NKAIN3: variants seen among roughly 807,000 people sequenced by gnomAD.
NKAIN3 encodes the protein sodium/potassium-transporting ATPase subunit beta-1-interacting protein 3.
A neutral mutation model predicts 30.2 loss-of-function variants in NKAIN3; 25 were observed. The observed-to-expected ratio is 0.83, with a 90% confidence interval of 0.60 to 1.16. The LOEUF (loss-of-function observed/expected upper bound fraction) is 1.16, where lower values mean the gene tolerates loss of function less well. NKAIN3 is among the 50% of genes most tolerant of loss of function. The pLI is 0.00. For missense variants in NKAIN3, 225 were observed against 254.1 expected (o/e 0.89, Z 0.78); for synonymous variants, 91 against 89.6 (o/e 1.02, Z -0.09).
intron 1 of NKAIN3, among the ~76,000 whole-genome samples, chr8:62,262,253 A>G (rs145456279): frequency 6.6e-6 from 1 of 152,204 alleles, no homozygotes; most frequent in African/African-American, 2.4e-5. Flanking sequence ...ATTGACATCT[A>G]TTTTTGGAAT....
chr8:62,319,310 G>C (rs9643537), intron 1 of NKAIN3, among the ~76,000 whole-genome samples: 83,151 of 151,906 alleles, frequency 0.55, 23,210 homozygotes, highest in Non-Finnish European at 0.61. Flanking sequence ...TTTTTGAAGG[G>C]TTTTTTGTGT....
chr8:62,747,130 G>T lies in NKAIN3; in HGVS notation c.471+1G>T. On this transcript the variant is annotated splice_donor_variant, in intron 4 of 6. Coordinates refer to ENST00000623646, the MANE Select transcript of NKAIN3 (RefSeq NM_001304533.3). LOFTEE classifies it high-confidence loss of function. ...CAGTGCTGTCCAAATACTACTCTCT[G>T]TAAGTGTCACTTTTGTGTCATTATC... 1 of 1,580,806 alleles carries T rather than the reference G, an allele frequency of 6.3e-7. No individual in the cohort carries two copies. Among genetic ancestry groups the T allele is most frequent in the South Asian group, 1.1e-5 (1 of 89,880 alleles).
At chr8:62,959,722 C>T (rs939042485) in intron 6 of NKAIN3, among the ~76,000 whole-genome samples, 1 of 152,094 alleles carries the variant, frequency 6.6e-6, no homozygotes, top group Non-Finnish European at 1.5e-5. Context: ...GACTGTGATC[C>T]GCTCCTATCA....
At chr8:62,779,182 G>A (rs1406502309) in intron 4 of NKAIN3, among the ~76,000 whole-genome samples, 1 of 152,048 alleles carries the variant, frequency 6.6e-6, no homozygotes, top group Non-Finnish European at 1.5e-5. Context: ...TTGGTGGGGA[G>A]GGGTGACACA....
intron 6 of NKAIN3, among the ~76,000 whole-genome samples, chr8:62,957,669 G>A (rs1034933453): frequency 3.3e-5 from 5 of 152,120 alleles, no homozygotes; most frequent in African/African-American, 9.7e-5. Context: ...TTTGGGAAAG[G>A]CAAAACTATG....
chr8:62,771,485 A>G (rs534212810), intron 4 of NKAIN3, among the ~76,000 whole-genome samples: 6 of 152,238 alleles, frequency 3.9e-5, no homozygotes, highest in African/African-American at 1.2e-4. Context: ...ATGAAAAAAT[A>G]ATAATAATTA....
At chr8:62,957,668 G>T (rs947057010) in intron 6 of NKAIN3, among the ~76,000 whole-genome samples, 3 of 152,158 alleles carry the variant, frequency 2.0e-5, no homozygotes, top group African/African-American at 7.2e-5. Flanking sequence ...TTTTGGGAAA[G>T]GCAAAACTAT....
intron 5 of NKAIN3, among the ~76,000 whole-genome samples, chr8:62,933,925 G>A (rs1193613750): frequency 6.6e-6 from 1 of 152,152 alleles, no homozygotes; most frequent in East Asian, 1.9e-4. Context: ...AAAACTTTGA[G>A]AGGGACTTCA....
chr8:62,325,780 T>A (rs1054008743), intron 1 of NKAIN3, among the ~76,000 whole-genome samples: 4 of 152,140 alleles, frequency 2.6e-5, no homozygotes, highest in South Asian at 2.1e-4. Flanking sequence ...TAATTGGTGA[T>A]GTTTAGCATT....
At chr8:62,543,713 T>G (rs1459561878) in intron 1 of NKAIN3, among the ~76,000 whole-genome samples, 2 of 152,204 alleles carry the variant, frequency 1.3e-5, no homozygotes, top group Non-Finnish European at 2.9e-5. Flanking sequence ...TTTGCCAATG[T>G]GTAACATTTG....
At chr8:62,575,308 T>C (rs1563465127) in intron 1 of NKAIN3, among the ~76,000 whole-genome samples, 1 of 152,114 alleles carries the variant, frequency 6.6e-6, no homozygotes, top group Non-Finnish European at 1.5e-5. Context: ...ATCAGTAGCA[T>C]TTCTGTATGC....
At chr8:62,986,484 C>T (rs943107398), downstream of NKAIN3, among the ~76,000 whole-genome samples, 11 of 152,180 alleles carry the variant, frequency 7.2e-5, no homozygotes, top group East Asian at 2.1e-3. Flanking sequence ...CTTCAGGTCT[C>T]TTATTCAGCC....
chr8:62,259,703 T>C (rs1563909878), intron 1 of NKAIN3, among the ~76,000 whole-genome samples: 1 of 152,178 alleles, frequency 6.6e-6, no homozygotes, highest in Non-Finnish European at 1.5e-5. Context: ...GGAGAATAGA[T>C]ATTTTAAGAT....
intron 4 of NKAIN3, among the ~76,000 whole-genome samples, chr8:62,881,140 G>T (rs1390196191): frequency 6.6e-6 from 1 of 152,028 alleles, no homozygotes. Context: ...TTTTACATTA[G>T]GGTTCACTCT....
chr8:62,266,651 C>G (rs1398551677), intron 1 of NKAIN3, among the ~76,000 whole-genome samples: 6 of 152,042 alleles, frequency 3.9e-5, no homozygotes, highest in Non-Finnish European at 8.8e-5. Flanking sequence ...GGCTCAGACA[C>G]CAGACAAGGT....
At chr8:62,953,706 G>A (rs969698044) in intron 5 of NKAIN3, among the ~76,000 whole-genome samples, 196 bp from the exon 6 acceptor site, 1 of 151,972 alleles carries the variant, frequency 6.6e-6, no homozygotes, top group South Asian at 2.1e-4. Flanking sequence ...ATGAATCCAG[G>A]TTATTTCTGT....
At chr8:62,450,641 A>G (rs1174322799) in intron 1 of NKAIN3, among the ~76,000 whole-genome samples, 1 of 152,178 alleles carries the variant, frequency 6.6e-6, no homozygotes, top group African/African-American at 2.4e-5. Context: ...GCCTGTTCAA[A>G]TCACACAGCC....
At chr8:62,437,356 C>T (rs552657654) in intron 1 of NKAIN3, among the ~76,000 whole-genome samples, 1 of 152,224 alleles carries the variant, frequency 6.6e-6, no homozygotes, top group African/African-American at 2.4e-5. Flanking sequence ...AACGTTAACA[C>T]GGATAGTTAA....
chr8:62,636,392 T>G (rs1184270408), intron 3 of NKAIN3, among the ~76,000 whole-genome samples: 1 of 152,170 alleles, frequency 6.6e-6, no homozygotes, highest in Non-Finnish European at 1.5e-5. Context: ...TATATACCCT[T>G]AAGCACACAT....
Sources: gnomAD v4.1 joint callset for allele counts (sites outside exome capture counted in the v4.1 genomes callset) on GRCh38, gnomAD v4.1.1 for gene constraint, MANE v1.5 for transcripts, NCBI Gene and HGNC (gene_info 2026-07-23, HGNC 2026-07-21) for gene names.